The following COL28A1 variants were observed in gnomAD, a reference collection of about 807,000 sequenced individuals.
COL28A1 encodes the protein collagen type XXVIII alpha 1 chain.
COL28A1 carries 161 observed loss-of-function variants against 150.2 expected under a neutral mutation model. The ratio of observed to expected loss-of-function variants is 1.07; its 90% CI spans 0.94 to 1.22. The LOEUF is 1.22. Ranked by LOEUF, COL28A1 falls within the 50% of genes most tolerant of loss-of-function variation. The pLI, the probability that COL28A1 is intolerant of heterozygous loss-of-function variation, is 0.00. For synonymous variants in COL28A1, 552 were observed against 469.7 expected (o/e 1.18, Z -2.26); for missense variants, 1,617 against 1,388.3 (o/e 1.16, Z -2.62).
downstream of COL28A1, among the ~76,000 whole-genome samples, chr7:7,353,862 C>T (rs1233835438): frequency 6.6e-6 from 1 of 152,080 alleles, no homozygotes; most frequent in Non-Finnish European, 1.5e-5. Flanking sequence ...TTTCCAACAA[C>T]AATATAGTGA....
the COL28A1 span, among the ~76,000 whole-genome samples, chr7:7,340,402 C>A: frequency 1.3e-5 from 2 of 152,066 alleles, no homozygotes; most frequent in Non-Finnish European, 2.9e-5. Context: ...GAATGAAATT[C>A]TTGGGACTAC....
At chr7:7,516,784 G>A (rs1159627773) in intron 7 of COL28A1, among the ~76,000 whole-genome samples, 1 of 152,042 alleles carries the variant, frequency 6.6e-6, no homozygotes, top group Non-Finnish European at 1.5e-5. Context: ...TGTAGAGAGA[G>A]GGTCTCACTA....
At chr7:7,418,410 T>C (rs1048685511) in intron 26 of COL28A1, among the ~76,000 whole-genome samples, 6 of 152,182 alleles carry the variant, frequency 3.9e-5, no homozygotes, top group African/African-American at 9.7e-5. Flanking sequence ...GATGAAGCTA[T>C]AAGCAAGTGT....
intron 19 of COL28A1, among the ~76,000 whole-genome samples, chr7:7,444,126 G>T (rs1158944503): frequency 6.6e-6 from 1 of 151,662 alleles, no homozygotes; most frequent in Admixed American, 6.6e-5. Flanking sequence ...GGAGGCGGGG[G>T]GAGTGGCTTT....
chr7:7,374,038 A>AAAAAAAATATATATATATATAT, intron 31 of COL28A1, among the ~76,000 whole-genome samples: 8 of 113,656 alleles, frequency 7.0e-5, no homozygotes, highest in African/African-American at 3.0e-4. Flanking sequence ...AAAAAAAAAA[A>AAAAAAAATATATATATATATAT]ATATATATAT....
intron 11 of COL28A1, among the ~76,000 whole-genome samples, chr7:7,504,433 C>G (rs1780697851): frequency 6.6e-6 from 1 of 152,116 alleles, no homozygotes; most frequent in South Asian, 2.1e-4. Context: ...CCCAGGAATT[C>G]AAGTTGCAGT....
chr7:7,444,352 G>A, intron 19 of COL28A1, 66 bp downstream of exon 19: 10 of 1,600,652 alleles, frequency 6.2e-6, no homozygotes, highest in Non-Finnish European at 8.5e-6. Context: ...TCGAGCTCCT[G>A]CAGGACCAAG....
In COL28A1 at chr7:7,372,861, T is replaced by C. The variant is rs142667011; in HGVS notation, c.2908+137A>G. 13 of 663,076 alleles carry C rather than the reference T, an allele frequency of 2.0e-5. No homozygotes were observed. The East Asian group carries it at 3.5e-4, about 18-fold the overall frequency. 41.1% of individuals were successfully genotyped at this position (663,076 alleles called of 1,614,324 possible). ...ATTAAACATTTTTAATCTTCTGGAGTTTACGTGTTACCATTTAATGTTGGC... is the reference window on the plus strand; with the variant it reads ...ATTAAACATTTTTAATCTTCTGGAGCTTACGTGTTACCATTTAATGTTGGC... On this transcript the variant is annotated intron_variant, in intron 32 of 34. Coordinates refer to ENST00000399429, the MANE Select transcript of COL28A1 (RefSeq NM_001037763.3).
chr7:7,434,627 A>C (rs1785212835), intron 23 of COL28A1, among the ~76,000 whole-genome samples: 1 of 152,144 alleles, frequency 6.6e-6, no homozygotes. Flanking sequence ...CCATGCAAAC[A>C]CTCACAGTTT....
At chr7:7,374,038 A>AAAAAAAAAAATATATATAT in intron 31 of COL28A1, among the ~76,000 whole-genome samples, 64 of 113,592 alleles carry the variant, frequency 5.6e-4, no homozygotes, top group African/African-American at 2.3e-3. Flanking sequence ...AAAAAAAAAA[A>AAAAAAAAAAATATATATAT]ATATATATAT....
chr7:7,498,359 A>G (rs1425339038), intron 11 of COL28A1, among the ~76,000 whole-genome samples: 1 of 152,176 alleles, frequency 6.6e-6, no homozygotes, highest in Non-Finnish European at 1.5e-5. Flanking sequence ...CAGGGTGGAC[A>G]TGCTCCATTA....
At chr7:7,434,176 T>C (rs1348106221) in intron 23 of COL28A1, among the ~76,000 whole-genome samples, 2 of 152,210 alleles carry the variant, frequency 1.3e-5, no homozygotes, top group Non-Finnish European at 2.9e-5. Context: ...AATGATCATC[T>C]TTAGGAAATA....
Position 7,373,313 on chromosome 7 carries a change from C to T in COL28A1, c.2593G>A (p.Val865Met), listed in dbSNP as rs772504379. 2.0e-5 allele frequency: 33 copies of T among 1,614,056 alleles called. No homozygotes were observed. In the Admixed American group the frequency reaches 5.2e-4, roughly 25 times the overall value. ...FSSKDDFKLA[V>M]DNMQYLGEGT... ...TCCCCCAGATACTGCATGTTGTCCA[C>T]AGCCAACTTGAAGTCATCCTTGCTG... The change falls in exon 32 of 35, where the codon GTG (valine) becomes ATG (methionine). Residue 865 changes from valine (V) to methionine (M), a missense_variant. By Grantham distance (21) the Val-to-Met change is conservative (BLOSUM62 1). Coordinates refer to ENST00000399429, the MANE Select transcript of COL28A1 (RefSeq NM_001037763.3). The surrounding 1 kb of genome is among the most constrained non-coding windows in gnomAD (Gnocchi z 4.1).
intron 3 of COL28A1, among the ~76,000 whole-genome samples, chr7:7,526,370 A>G (rs1782024810): frequency 1.3e-5 from 2 of 152,206 alleles, no homozygotes; most frequent in South Asian, 4.1e-4. Context: ...CAAAATTTCC[A>G]AAAAAACATT....
chr7:7,508,158 G>A (rs560515920), intron 9 of COL28A1, among the ~76,000 whole-genome samples: 1 of 151,954 alleles, frequency 6.6e-6, no homozygotes, highest in Non-Finnish European at 1.5e-5. Context: ...CGTGAACCCG[G>A]GAGGCGGAGC....
At chr7:7,489,328 G>C (rs1583489201) in intron 13 of COL28A1, 61 bp downstream of exon 13, 1 of 860,570 alleles carries the variant, frequency 1.2e-6, no homozygotes, top group African/African-American at 1.6e-5. Flanking sequence ...ATCCTAAACA[G>C]AAAGAACAAG....
Position 7,370,883 on chromosome 7 carries a change from C to T in COL28A1, c.2909-1G>A. The T allele has an allele frequency of 1.3e-6, 2 of 1,596,998 alleles. No homozygotes were observed. The highest frequency in any genetic ancestry group is 1.7e-6 in the Non-Finnish European group (2 of 1,166,822). On this transcript the variant is annotated splice_acceptor_variant, in intron 32 of 34. Transcript: ENST00000399429. LOFTEE classifies it high-confidence loss of function. ...TGAAACAATTTTTGCTTCAGGGTGTCTTTTAAAAAAGAAGTAGAAAAGAGA... is the reference window on the plus strand; with the variant it reads ...TGAAACAATTTTTGCTTCAGGGTGTTTTTTAAAAAAGAAGTAGAAAAGAGA...
intron 27 of COL28A1, among the ~76,000 whole-genome samples, chr7:7,401,761 C>A (rs1319438122): frequency 6.6e-6 from 1 of 152,172 alleles, no homozygotes; most frequent in Non-Finnish European, 1.5e-5. Context: ...CATACTGCCA[C>A]AGAACCATCC....
chr7:7,379,150 T>C (rs1395469671), intron 30 of COL28A1, among the ~76,000 whole-genome samples: 1 of 152,142 alleles, frequency 6.6e-6, no homozygotes, highest in Non-Finnish European at 1.5e-5. Context: ...GGAGCGCAGC[T>C]GGAGAAGGAC....
Sources: gnomAD v4.1 joint callset for allele counts (sites outside exome capture counted in the v4.1 genomes callset) on GRCh38, gnomAD v4.1.1 for gene constraint, Gnocchi (gnomAD v3.1) non-coding constraint, MANE v1.5 for transcripts, NCBI Gene and HGNC (gene_info 2026-07-23, HGNC 2026-07-21) for gene names.